Variants in CSGALNACT1 observed in about 807,000 individuals in gnomAD.
CSGALNACT1 encodes chondroitin sulfate N-acetylgalactosaminyltransferase 1.
CSGALNACT1 carries 52 observed loss-of-function variants against 51.0 expected under a neutral mutation model. The ratio of observed to expected loss-of-function variants is 1.02; its 90% CI spans 0.82 to 1.29. The LOEUF (loss-of-function observed/expected upper bound fraction) is 1.29, where lower values mean the gene tolerates loss of function less well. Ranked by LOEUF, CSGALNACT1 falls within the 50% of genes most tolerant of loss-of-function variation. The probability of loss-of-function intolerance (pLI) is 0.00; values close to 1 mark genes in which losing one functional copy is unlikely to be tolerated. For synonymous variants in CSGALNACT1, 341 were observed against 254.4 expected (o/e 1.34, Z -3.24); for missense variants, 935 against 679.2 (o/e 1.38, Z -4.19).
intron 3 of CSGALNACT1, among the ~76,000 whole-genome samples, chr8:19,585,724 A>C (rs1462786295): frequency 1.3e-5 from 2 of 152,172 alleles, no homozygotes; most frequent in African/African-American, 4.8e-5. Flanking sequence ...GAGGTGTAAA[A>C]TGAGAAGAAC....
intron 1 of CSGALNACT1, among the ~76,000 whole-genome samples, chr8:19,647,275 C>T (rs2057367635): frequency 6.6e-6 from 1 of 152,140 alleles, no homozygotes; most frequent in South Asian, 2.1e-4. Context: ...CACGAGGCTA[C>T]ACACAATGGC....
At chr8:19,456,738 A>C (rs1486424224) in intron 5 of CSGALNACT1, among the ~76,000 whole-genome samples, 1 of 152,224 alleles carries the variant, frequency 6.6e-6, no homozygotes, top group Non-Finnish European at 1.5e-5. Context: ...GAAAAGATCA[A>C]TCTATTAGCC....
At chr8:19,522,003 G>A (rs2080824675) in intron 3 of CSGALNACT1, among the ~76,000 whole-genome samples, 1 of 152,134 alleles carries the variant, frequency 6.6e-6, no homozygotes, top group South Asian at 2.1e-4. Flanking sequence ...CAATGCAGTG[G>A]TTGACATTAC....
At chr8:19,457,761 C>T in intron 5 of CSGALNACT1, 1 of 1,350,894 alleles carries the variant, frequency 7.4e-7, no homozygotes, top group Non-Finnish European at 9.8e-7. Flanking sequence ...TTCTAAGATC[C>T]AACACCGCAC....
chr8:19,470,467 C>G (rs2067872186), intron 4 of CSGALNACT1, among the ~76,000 whole-genome samples: 1 of 152,118 alleles, frequency 6.6e-6, no homozygotes, highest in Non-Finnish European at 1.5e-5. Context: ...GACTTCTCTC[C>G]AGCAGCGTGA....
intron 4 of CSGALNACT1, among the ~76,000 whole-genome samples, chr8:19,470,550 G>A (rs2067897147): frequency 1.3e-5 from 2 of 152,278 alleles, no homozygotes; most frequent in South Asian, 4.1e-4. Flanking sequence ...CAGGTGTGAG[G>A]GCAAGGAAGG....
At chr8:19,651,830 T>C (rs566644174) in intron 1 of CSGALNACT1, among the ~76,000 whole-genome samples, 1 of 152,358 alleles carries the variant, frequency 6.6e-6, no homozygotes, top group African/African-American at 2.4e-5. Context: ...TTCAGAAATC[T>C]CCAAACTGCT....
At chr8:19,550,727 G>A (rs1321948545) in intron 3 of CSGALNACT1, among the ~76,000 whole-genome samples, 1 of 152,136 alleles carries the variant, frequency 6.6e-6, no homozygotes, top group East Asian at 1.9e-4. Context: ...GCCTTCAAAT[G>A]TCTTCAACTG....
chr8:19,539,018 C>T (rs1003473121), intron 3 of CSGALNACT1, among the ~76,000 whole-genome samples: 2 of 152,178 alleles, frequency 1.3e-5, no homozygotes, highest in African/African-American at 4.8e-5. Flanking sequence ...GGAGAAACTA[C>T]AACTTCACCA....
chr8:19,497,774 C>G (rs982818127), intron 4 of CSGALNACT1, among the ~76,000 whole-genome samples: 1 of 152,196 alleles, frequency 6.6e-6, no homozygotes, highest in Non-Finnish European at 1.5e-5. Flanking sequence ...CAGGACCAAC[C>G]TGCCTCCCTA....
At chr8:19,488,911 A>G (rs1356127425) in intron 4 of CSGALNACT1, among the ~76,000 whole-genome samples, 1 of 152,172 alleles carries the variant, frequency 6.6e-6, no homozygotes, top group African/African-American at 2.4e-5. Flanking sequence ...CATGAGTCAC[A>G]GCAGAATACA....
chr8:19,751,688 AT>A (rs1370465004), intron 1 of CSGALNACT1, among the ~76,000 whole-genome samples: 1 of 152,178 alleles, frequency 6.6e-6, no homozygotes. Flanking sequence ...TGACTGAATC[AT>A]AGCGGCAGAC....
intron 8 of CSGALNACT1, among the ~76,000 whole-genome samples, chr8:19,410,620 G>C (rs190876419): frequency 1.3e-5 from 2 of 152,210 alleles, no homozygotes; most frequent in Non-Finnish European, 2.9e-5. Context: ...GAGACTCTGG[G>C]CTGCACTGAT....
chr8:19,563,780 A>T (rs1057178456), intron 3 of CSGALNACT1, among the ~76,000 whole-genome samples: 15 of 152,004 alleles, frequency 9.9e-5, no homozygotes, highest in African/African-American at 3.6e-4. Flanking sequence ...CTAAGCCTCA[A>T]ATGTCTTCAC....
At chr8:19,624,441 G>T (rs1023249652) in intron 1 of CSGALNACT1, among the ~76,000 whole-genome samples, 1 of 151,974 alleles carries the variant, frequency 6.6e-6, no homozygotes. Flanking sequence ...ATAGAACAAA[G>T]ATAATATTCA....
At chr8:19,717,858 G>A (rs897338968) in intron 1 of CSGALNACT1, among the ~76,000 whole-genome samples, 5 of 152,100 alleles carry the variant, frequency 3.3e-5, no homozygotes, top group Non-Finnish European at 7.4e-5. Context: ...CTCAGGCACT[G>A]CAACCCTAGT....
rs571235524 is a variant in CSGALNACT1 at position 19,708,362 on chromosome 8, A to G, written c.-297+49488T>C. Among the ~76,000 whole-genome samples, 5 of 152,326 alleles carry G rather than the reference A, an allele frequency of 3.3e-5. No individual in the cohort carries two copies. The South Asian group carries it at 1.0e-3, about 32-fold the overall frequency. ...ATTTTCACCTCTATCATCAGTAGCC[A>G]TGTCAAAACTGATCCATTGATTAAC... On this transcript the variant is annotated intron_variant, in intron 1 of 1. Coordinates refer to the CSGALNACT1 transcript ENST00000517494.
Position 19,737,925 on chromosome 8 carries a change from A to G in CSGALNACT1, c.-297+19925T>C, listed in dbSNP as rs534964194. Among the ~76,000 whole-genome samples, 100 of 152,360 alleles carry G rather than the reference A, an allele frequency of 6.6e-4. 1 individual carries two copies. Among genetic ancestry groups the G allele is most frequent in the Non-Finnish European group, 1.2e-3 (80 of 68,032 alleles). ...ACAGTTAATTGTTTAATGGATACAG[A>G]GTTTCAGTTTGACAATATTAAAAGA... On this transcript the variant is annotated intron_variant, in intron 1 of 1. Transcript: ENST00000517494.
At chr8:19,463,386 C>G (rs895752630) in intron 4 of CSGALNACT1, among the ~76,000 whole-genome samples, 3 of 152,202 alleles carry the variant, frequency 2.0e-5, no homozygotes, top group Non-Finnish European at 2.9e-5. Flanking sequence ...CATCCCTGCA[C>G]AGAGGGAGCA....
Sources: gnomAD v4.1 joint callset for allele counts (sites outside exome capture counted in the v4.1 genomes callset) on GRCh38, gnomAD v4.1.1 for gene constraint, MANE v1.5 for transcripts, NCBI Gene and HGNC (gene_info 2026-07-23, HGNC 2026-07-21) for gene names.